The following DDX60 variants were observed in gnomAD, a reference collection of about 807,000 sequenced individuals.
The protein encoded by DDX60 is DExD/H-box helicase 60.
A neutral mutation model predicts 212.8 loss-of-function variants in DDX60; 165 were observed. That is an observed-to-expected ratio of 0.78 (90% confidence interval 0.68 to 0.88). The LOEUF is 0.88. Among genes scored for constraint, DDX60 ranks in the 40% least tolerant of loss-of-function variants. The probability of loss-of-function intolerance (pLI) is 0.00; values close to 1 mark genes in which losing one functional copy is unlikely to be tolerated. For synonymous variants in DDX60, 703 were observed against 685.3 expected, an observed-to-expected ratio of 1.03 and a Z score of -0.40; for missense variants, 1,905 against 2,003.9, an observed-to-expected ratio of 0.95 and a Z score of 0.94.
At position 168,291,764 on chromosome 4, in the gene DDX60, T is replaced by C; in HGVS notation, c.1025A>G (p.Lys342Arg). The C allele has an allele frequency of 6.3e-7, 1 of 1,594,280 alleles. No individual in the cohort carries two copies. Among genetic ancestry groups the C allele is most frequent in the South Asian group, 1.1e-5 (1 of 87,242 alleles). ...VITSHWAEDM[K>R]PLLQMKKWCE... is the part of the protein sequence containing the mutation. ...TACATTTACCATTTGTAATAAAGGC[T>C]TCATGTCCTCAGCCCAATGGGAAGT... Residue 342 changes from lysine to arginine, a missense_variant, in exon 8 of 38, where the codon AAG (lysine) becomes AGG (arginine). Physicochemically the swap from Lys to Arg is conservative, Grantham distance 26. Transcript: ENST00000393743.
At chr4:168,319,648 G>A (rs149295341), upstream of DDX60, among the ~76,000 whole-genome samples, 7 of 152,220 alleles carry the variant, frequency 4.6e-5, no homozygotes, top group African/African-American at 1.7e-4. Context: ...TGTGGGTTTC[G>A]ATACTCATCT....
intron 25 of DDX60, among the ~76,000 whole-genome samples, chr4:168,260,019 GTA>G (rs1734561845): frequency 1.3e-5 from 2 of 152,004 alleles, no homozygotes; most frequent in Non-Finnish European, 2.9e-5. Context: ...AAAAAATAGA[GTA>G]GCAAACTAAA....
At chr4:168,321,317 C>T (rs538130650), upstream of DDX60, among the ~76,000 whole-genome samples, 20 of 152,174 alleles carry the variant, frequency 1.3e-4, no homozygotes, top group Non-Finnish European at 2.6e-4. Context: ...CATGAGCCAA[C>T]ACTTCAACTC....
chr4:168,299,370 T>C (rs1242686521), intron 6 of DDX60, among the ~76,000 whole-genome samples: 1 of 151,164 alleles, frequency 6.6e-6, no homozygotes, highest in Non-Finnish European at 1.5e-5. Context: ...TGTTTAACAA[T>C]AAAAATAAAC....
Position 168,237,698 on chromosome 4 carries a change from A to T in DDX60, c.4262T>A (p.Val1421Glu). ...AAGTGCAGTAATGCATACCTCTTTC[A>T]CCAGGAACTGCAAAGAAAACAGGAA... Reference protein sequence around the residue: ...LYFLFSLQFLVKEGYLDQEGN... With the variant: ...LYFLFSLQFLEKEGYLDQEGN... The change falls in exon 31 of 38, where the codon GTG becomes GAG. Residue 1421 changes from valine to glutamate, a missense_variant. Coordinates refer to ENST00000393743, the MANE Select transcript of DDX60 (RefSeq NM_017631.6). 6.2e-7 allele frequency: 1 copy of T among 1,610,880 alleles called. No homozygotes were observed.
chr4:168,229,998 A>C lies in DDX60; in HGVS notation c.4534-4322T>G, dbSNP rs148585329. On this transcript the variant is annotated intron_variant, in intron 33 of 37. Coordinates refer to ENST00000393743, the MANE Select transcript of DDX60 (RefSeq NM_017631.6). Reference sequence around the variant, plus strand: ...AGACTCACCTAACACATAAGGACTCACATAAATTTAAGGGAAAGGGGTGGA... The same window carrying C: ...AGACTCACCTAACACATAAGGACTCCCATAAATTTAAGGGAAAGGGGTGGA... Among the ~76,000 whole-genome samples the C allele has an allele frequency of 6.4e-4, 97 of 152,246 alleles. 2 individuals carry two copies. The East Asian group carries it at 0.016, about 25-fold the overall frequency.
chr4:168,282,404 T>C (rs1463901522), intron 13 of DDX60, among the ~76,000 whole-genome samples: 1 of 152,208 alleles, frequency 6.6e-6, no homozygotes, highest in African/African-American at 2.4e-5. Flanking sequence ...GATGCACATT[T>C]TCCTGATCTT....
At chr4:168,263,531 T>C (rs1734711397) in intron 22 of DDX60, 1 of 152,158 alleles carries the variant, frequency 6.6e-6, no homozygotes, top group African/African-American at 2.4e-5. Context: ...AACTTACATA[T>C]TGAAACCGAA....
chr4:168,237,664 C>A, intron 31 of DDX60, 27 bp downstream of exon 31: 1 of 1,580,686 alleles, frequency 6.3e-7, no homozygotes, highest in Non-Finnish European at 8.7e-7. Context: ...ATGCTATTTC[C>A]CAAAACAAAA....
Position 168,220,656 on chromosome 4 carries a change from T to G in DDX60, c.5038A>C (p.Ser1680Arg). 7.0e-7 allele frequency: 1 copy of G among 1,422,814 alleles called. No homozygotes were observed. The highest frequency in any genetic ancestry group is 9.5e-7 in the Non-Finnish European group (1 of 1,056,098). 88.1% of individuals were successfully genotyped at this position (1,422,814 alleles called of 1,614,324 possible). Residue 1680 changes from serine (S) to arginine (R), a missense_variant and splice_region_variant, in exon 37 of 38, where the codon AGT becomes CGT. Transcript: ENST00000393743. ...TCAATATTTAAATATATAACACACC[T>G]GATAGATTTAATGGTGAGTGCAAAA... is the stretch of plus-strand genomic sequence containing the variant. ...KDFALTIKSI[S>R]VSLRELCENE...
At chr4:168,296,983 C>A (rs553035374) in intron 6 of DDX60, among the ~76,000 whole-genome samples, 2 of 151,304 alleles carry the variant, frequency 1.3e-5, no homozygotes, top group South Asian at 4.2e-4. Flanking sequence ...GCAATCTCAG[C>A]TCACTGCAAC....
At chr4:168,307,183 C>A (rs1008735520) in intron 4 of DDX60, among the ~76,000 whole-genome samples, 4 of 152,042 alleles carry the variant, frequency 2.6e-5, no homozygotes, top group African/African-American at 9.7e-5. Flanking sequence ...AACATTAGAT[C>A]GGAAGCCTAG....
chr4:168,291,854 T>C lies in DDX60; in HGVS notation c.935A>G (p.His312Arg), dbSNP rs747215568. The change falls in exon 8 of 38, where the codon CAT (histidine) becomes CGT (arginine). Residue 312 changes from histidine to arginine, a missense_variant. Coordinates refer to ENST00000393743, the MANE Select transcript of DDX60 (RefSeq NM_017631.6). ...LQEMEDLCKL[H>R]CLTVVFLLHL... ...GAGTAGAAAAACCACAGTGAGACAA[T>C]GCAGTTTACACAAATCTTCCATCTC... 5 of 1,613,432 alleles carry C rather than the reference T, an allele frequency of 3.1e-6. No individual in the cohort carries two copies. Among genetic ancestry groups the C allele is most frequent in the Non-Finnish European group, 3.4e-6 (4 of 1,179,758 alleles).
rs1735543717 is a variant in DDX60 at position 168,280,519 on chromosome 4, C to T, written c.1794G>A (p.Glu598=). The change falls in exon 14 of 38, where the codon GAG becomes GAA. Residue 598 remains glutamate (E), a synonymous_variant. Transcript: ENST00000393743. ...RLFAREEQKE[E]QKWNALSFSI... Reference sequence around the variant, plus strand: ...AAAATGACAAAGCATTCCACTTTTGCTCTTCCTTTTGTTCTTCCCTGGCAA... The same window carrying T: ...AAAATGACAAAGCATTCCACTTTTGTTCTTCCTTTTGTTCTTCCCTGGCAA... 3.7e-6 allele frequency: 6 copies of T among 1,614,108 alleles called. No homozygotes were observed. Among genetic ancestry groups the T allele is most frequent in the East Asian group, 2.2e-5 (1 of 44,864 alleles).
Position 168,290,571 on chromosome 4 carries a change from C to T in DDX60, c.1041+1177G>A, listed in dbSNP as rs145447245. Among the ~76,000 whole-genome samples the T allele has an allele frequency of 3.5e-3, 526 of 152,016 alleles. 2 individuals carry two copies. Among genetic ancestry groups the T allele is most frequent in the African/African-American group, 0.011 (476 of 41,456 alleles). On this transcript the variant is annotated intron_variant, in intron 8 of 37. Coordinates refer to ENST00000393743, the MANE Select transcript of DDX60 (RefSeq NM_017631.6). ...AGCCAGGATGGTCTTGATCTCCTGA[C>T]CTCATGATCCTCCTGACCTCATGAT...
In DDX60 at chr4:168,260,847, T is replaced by C. The variant is rs1235285108; in HGVS notation, c.3398+18A>G. ...TAATACAATTACAAGCAAAACCAAA[T>C]TAAATTAAATAACTTACAAAAAAAA... On this transcript the variant is annotated intron_variant, in intron 25 of 37. Coordinates refer to ENST00000393743, the MANE Select transcript of DDX60 (RefSeq NM_017631.6). 1.3e-6 allele frequency: 2 copies of C among 1,592,294 alleles called. No homozygotes were observed. Among genetic ancestry groups the C allele is most frequent in the African/African-American group, 1.4e-5 (1 of 73,656 alleles).
chr4:168,268,786 G>C, intron 20 of DDX60, 68 bp downstream of exon 20: 1 of 894,658 alleles, frequency 1.1e-6, no homozygotes, highest in Non-Finnish European at 1.7e-6. Context: ...AGAATCCACA[G>C]AGAAATTATG....
chr4:168,313,409 G>A (rs1737227535), intron 1 of DDX60, among the ~76,000 whole-genome samples: 1 of 152,162 alleles, frequency 6.6e-6, no homozygotes, highest in African/African-American at 2.4e-5. Context: ...CATTGGAAAG[G>A]TAGGTTAGAA....
chr4:168,300,294 C>T (rs1579072954), intron 6 of DDX60, among the ~76,000 whole-genome samples: 1 of 152,078 alleles, frequency 6.6e-6, no homozygotes, highest in South Asian at 2.1e-4. Flanking sequence ...GTAATCCCAA[C>T]ACTTTGGGAG....
Sources: gnomAD v4.1 joint callset for allele counts (sites outside exome capture counted in the v4.1 genomes callset) on GRCh38, gnomAD v4.1.1 for gene constraint, MANE v1.5 for transcripts, NCBI Gene and HGNC (gene_info 2026-07-23, HGNC 2026-07-21) for gene names.